The following CRHR1 variants were observed in gnomAD, a reference collection of about 807,000 sequenced individuals.
The protein encoded by CRHR1 is corticotropin-releasing hormone receptor 1.
Under a neutral mutation model 56.0 loss-of-function variants are expected in CRHR1, and 28 were observed. That is an observed-to-expected ratio of 0.50 (90% CI 0.37 to 0.69). CRHR1 has a LOEUF of 0.69. Ranked by LOEUF, CRHR1 falls within the 30% of genes least tolerant of loss-of-function variation. CRHR1 has a pLI of 0.00. For missense variants in CRHR1, 376 were observed against 548.0 expected, an observed-to-expected ratio of 0.69 and a Z score of 3.13; for synonymous variants, 195 against 216.5, an observed-to-expected ratio of 0.90 and a Z score of 0.87.
chr17:45,833,183 C>T lies in CRHR1; in HGVS notation c.816C>T (p.Tyr272=). 1 of 1,614,166 alleles carries T rather than the reference C, an allele frequency of 6.2e-7. No homozygotes were observed. The highest frequency in any genetic ancestry group is 8.5e-7 in the Non-Finnish European group (1 of 1,180,024). ...CTGGGGTGTACACCGACTACATCTA[C>T]CAGGGCCCCATGATCCTGGTCCTGC... is the stretch of plus-strand genomic sequence containing the variant. ...KRPGVYTDYI[Y]QGPMILVLLI... The change falls in exon 9 of 13, where the codon TAC becomes TAT. Residue 272 remains tyrosine (Y), a synonymous_variant. Transcript: ENST00000314537.
intron 8 of CRHR1, among the ~76,000 whole-genome samples, chr17:45,831,619 G>T (rs1299059404): frequency 6.6e-6 from 1 of 152,214 alleles, no homozygotes; most frequent in Non-Finnish European, 1.5e-5. Context: ...CAGAGAATCA[G>T]GCGCAATTGG....
chr17:45,799,622 G>C (rs1007938450), intron 1 of CRHR1: 3 of 152,212 alleles, frequency 2.0e-5, no homozygotes, highest in African/African-American at 7.2e-5. Context: ...GTGGGCTGGG[G>C]CCCTTGCCTC....
chr17:45,834,095 G>A (rs1338438608), intron 12 of CRHR1, 47 bp downstream of exon 12: 14 of 1,601,112 alleles, frequency 8.7e-6, no homozygotes, highest in South Asian at 1.1e-5. Flanking sequence ...TGTGAGGCCT[G>A]TTGGGACTGG....
At chr17:45,792,603 G>C (rs2061446706) in intron 1 of CRHR1, among the ~76,000 whole-genome samples, 3 of 152,102 alleles carry the variant, frequency 2.0e-5, no homozygotes, top group African/African-American at 2.4e-5. Context: ...ATCTTCATCT[G>C]TCATGTCCAC....
chr17:45,798,381 C>T (rs2061558198), intron 1 of CRHR1, among the ~76,000 whole-genome samples: 1 of 152,084 alleles, frequency 6.6e-6, no homozygotes, highest in Admixed American at 6.5e-5. Flanking sequence ...TAAAAATTAG[C>T]CAGGTGTGAT....
intron 1 of CRHR1, among the ~76,000 whole-genome samples, chr17:45,803,820 C>T (rs998517797): frequency 6.6e-6 from 1 of 151,758 alleles, no homozygotes; most frequent in African/African-American, 2.4e-5. Flanking sequence ...TGGGAGGTGG[C>T]GTGGGCAGAT....
Position 45,813,384 on chromosome 17 carries a change from G to A in CRHR1, c.122-3079G>A, listed in dbSNP as rs963526652. The stretch of plus-strand genomic sequence containing the variant: ...GGGGATGGGGGAACTTTGTCTCCTC[G>A]CCCCTTTTCATTTGGCTTCTCCTCC... On this transcript the variant is annotated intron_variant, in intron 2 of 12. Transcript: ENST00000314537. 9.6e-5 allele frequency among the ~76,000 whole-genome samples: 14 copies of A among 146,374 alleles called. 3 individuals are homozygous for A. Among genetic ancestry groups the A allele is most frequent in the Admixed American group, 8.2e-4 (12 of 14,680 alleles).
chr17:45,808,210 G>A (rs1035624692), intron 2 of CRHR1, among the ~76,000 whole-genome samples: 7 of 152,226 alleles, frequency 4.6e-5, no homozygotes, highest in Admixed American at 4.6e-4. Context: ...AGTGGAAGAC[G>A]CATGCTTGCA....
At chr17:45,821,271 C>A in intron 3 of CRHR1, 84 bp from the exon 4 acceptor site, 2 of 1,226,156 alleles carry the variant, frequency 1.6e-6, no homozygotes, top group Non-Finnish European at 2.4e-6. Flanking sequence ...ATCTACAGAT[C>A]CATCTACGCA....
chr17:45,823,403 C>CTTTTTTTTTTTTTTCTTTT, intron 4 of CRHR1, among the ~76,000 whole-genome samples: 1 of 100,606 alleles, frequency 9.9e-6, no homozygotes, highest in African/African-American at 3.9e-5. Flanking sequence ...GGGACATTCC[C>CTTTTTTTTTTTTTTCTTTT]TTTTTTTTTT....
chr17:45,797,539 A>G (rs2061544599), intron 1 of CRHR1, among the ~76,000 whole-genome samples: 1 of 151,848 alleles, frequency 6.6e-6, no homozygotes, highest in Non-Finnish European at 1.5e-5. Flanking sequence ...CGGCCTCCCA[A>G]AGTGCTGGGA....
Position 45,833,189 on chromosome 17 carries a change from C to A in CRHR1, c.822C>A (p.Gly274=), listed in dbSNP as rs1001945869. 1.2e-6 allele frequency: 2 copies of A among 1,613,966 alleles called. No homozygotes were observed. Among genetic ancestry groups the A allele is most frequent in the Non-Finnish European group, 1.7e-6 (2 of 1,179,986 alleles). ...TGTACACCGACTACATCTACCAGGG[C>A]CCCATGATCCTGGTCCTGCTGGTAA... is the stretch of plus-strand genomic sequence containing the variant. ...PGVYTDYIYQ[G]PMILVLLINF... The change falls in exon 9 of 13, where the codon GGC becomes GGA. Residue 274 remains glycine, a synonymous_variant. Coordinates refer to ENST00000314537, the MANE Select transcript of CRHR1 (RefSeq NM_004382.5).
At chr17:45,807,843 G>C (rs1450782964) in intron 2 of CRHR1, among the ~76,000 whole-genome samples, 1 of 152,212 alleles carries the variant, frequency 6.6e-6, no homozygotes, top group Non-Finnish European at 1.5e-5. Flanking sequence ...GTACAGTTGA[G>C]GAAACTGAGG....
chr17:45,827,404 T>C (rs2143197969), intron 4 of CRHR1, among the ~76,000 whole-genome samples: 1 of 152,368 alleles, frequency 6.6e-6, no homozygotes, highest in Admixed American at 6.5e-5. Context: ...CAGGGGCTTC[T>C]CAGCATGGAT....
chr17:45,811,714 C>T (rs1029976731), intron 2 of CRHR1, among the ~76,000 whole-genome samples: 19 of 152,190 alleles, frequency 1.2e-4, no homozygotes, highest in African/African-American at 3.4e-4. Flanking sequence ...ACACTTTCCC[C>T]GCAGGTTTTC....
chr17:45,831,996 G>A (rs968094310), intron 8 of CRHR1, among the ~76,000 whole-genome samples: 8 of 152,272 alleles, frequency 5.3e-5, no homozygotes, highest in Non-Finnish European at 7.4e-5. Flanking sequence ...CGAGGCAGGC[G>A]GATCACTTGA....
chr17:45,834,003 CCAGGGCTTCTTTGTGTCTGTGT>C lies in CRHR1; in HGVS notation c.1066-3_1084del. On this transcript the variant is annotated splice_acceptor_variant and splice_polypyrimidine_tract_variant and coding_sequence_variant and intron_variant, in exon 12 of 13. Coordinates refer to ENST00000314537, the MANE Select transcript of CRHR1 (RefSeq NM_004382.5). LOFTEE classifies it high-confidence loss of function. ...ACCTTTGACGCCTCCTCTCTCCTCC[CCAGGGCTTCTTTGTGTCTGTGT>C]TCTACTGTTTCCTCAATAGTGAGGT... 1 of 1,613,370 alleles carries C rather than the reference CCAGGGCTTCTTTGTGTCTGTGT, an allele frequency of 6.2e-7. No individual in the cohort carries two copies. The highest frequency in any genetic ancestry group is 8.5e-7 in the Non-Finnish European group (1 of 1,179,386).
intron 1 of CRHR1, among the ~76,000 whole-genome samples, chr17:45,801,878 T>A (rs2061629465): frequency 6.6e-6 from 1 of 152,158 alleles, no homozygotes; most frequent in African/African-American, 2.4e-5. Context: ...TGTTTCAGGG[T>A]GCTAGTTGTT....
In CRHR1 at chr17:45,796,098, G is replaced by A. The variant is rs562533047; in HGVS notation, c.34-10912G>A. On this transcript the variant is annotated intron_variant, in intron 1 of 12. Transcript: ENST00000314537. The stretch of plus-strand genomic sequence containing the variant: ...CCATAAAGGACATCTTTTCTCTGCC[G>A]ACACCGAAATCCCCCTCACTTTACA... 7.2e-5 allele frequency among the ~76,000 whole-genome samples: 11 copies of A among 152,186 alleles called. No individual in the cohort carries two copies. In the East Asian group the frequency reaches 1.7e-3, roughly 24 times the overall value.
Sources: gnomAD v4.1 joint callset for allele counts (sites outside exome capture counted in the v4.1 genomes callset) on GRCh38, gnomAD v4.1.1 for gene constraint, MANE v1.5 for transcripts, NCBI Gene and HGNC (gene_info 2026-07-23, HGNC 2026-07-21) for gene names.